The following IL1R1 variants were observed in gnomAD, a reference collection of about 807,000 sequenced individuals.
IL1R1 encodes the protein interleukin 1 receptor type 1, also known as interleukin-1 receptor type 1.
Under a neutral mutation model 50.2 loss-of-function variants are expected in IL1R1, and 22 were observed. The observed-to-expected ratio is 0.44, with a 90% CI of 0.31 to 0.63. The LOEUF (loss-of-function observed/expected upper bound fraction) is 0.63, where lower values mean the gene tolerates loss of function less well. IL1R1 is among the 20% of genes least tolerant of loss of function. The pLI is 0.07. For missense variants in IL1R1, 509 were observed against 676.2 expected, an observed-to-expected ratio of 0.75 and a Z score of 2.74; for synonymous variants, 251 against 236.7, an observed-to-expected ratio of 1.06 and a Z score of -0.55.
At chr2:102,129,654 G>A (rs904347317) in intron 1 of IL1R1, among the ~76,000 whole-genome samples, 1 of 152,226 alleles carries the variant, frequency 6.6e-6, no homozygotes, top group African/African-American at 2.4e-5. Flanking sequence ...ATCGGGGTCA[G>A]GGGTGAAGCA....
upstream of IL1R1, among the ~76,000 whole-genome samples, chr2:102,102,206 A>G (rs1039401528): frequency 6.6e-6 from 1 of 152,196 alleles, no homozygotes; most frequent in African/African-American, 2.4e-5. Flanking sequence ...TGGAAAGGGT[A>G]CCAGGAAGTA....
At chr2:102,093,866 C>T (rs957251484) in intron 1 of IL1R1, among the ~76,000 whole-genome samples, 8 of 152,324 alleles carry the variant, frequency 5.3e-5, no homozygotes, top group African/African-American at 7.2e-5. Context: ...GGGCAGCAGG[C>T]TCCCGGCAGC....
At chr2:102,101,449 G>A, upstream of IL1R1, among the ~76,000 whole-genome samples, 1 of 152,132 alleles carries the variant, frequency 6.6e-6, no homozygotes, top group East Asian at 1.9e-4. Flanking sequence ...ATGTTGAGGG[G>A]GAGCCAAGGT....
chr2:102,071,979 G>A (rs143255892), intron 1 of IL1R1, among the ~76,000 whole-genome samples: 1,660 of 152,208 alleles, frequency 0.011, 31 homozygotes, highest in African/African-American at 0.037. Context: ...GTACTTGGCC[G>A]GGTGTGGTAG....
At chr2:102,123,944 G>A (rs1681542568) in intron 1 of IL1R1, among the ~76,000 whole-genome samples, 1 of 152,114 alleles carries the variant, frequency 6.6e-6, no homozygotes, top group Non-Finnish European at 1.5e-5. Context: ...GAGGGAGAAG[G>A]AGAGAGGTGA....
intron 1 of IL1R1, among the ~76,000 whole-genome samples, chr2:102,073,238 C>T (rs1235275951): frequency 2.6e-5 from 4 of 152,118 alleles, no homozygotes; most frequent in Non-Finnish European, 2.9e-5. Context: ...CTGGGGACCA[C>T]GGATACAATA....
rs201040189 is a variant in IL1R1 at position 102,176,412 on chromosome 2, G to A, written c.1363G>A (p.Val455Ile). Reference protein sequence around the residue: ...KKSRRLIIILVRETSGFSWLG... With the variant: ...KKSRRLIIILIRETSGFSWLG... ...AAGCAGAAGACTGATTATCATTTTAGTCAGAGAAACATCAGGCTTCAGCTG... is the reference window on the plus strand; with the variant it reads ...AAGCAGAAGACTGATTATCATTTTAATCAGAGAAACATCAGGCTTCAGCTG... The change falls in exon 12 of 12, where the codon GTC becomes ATC. Residue 455 changes from valine to isoleucine, a missense_variant. Val to Ile is a conservative substitution (Grantham distance 29). Coordinates refer to ENST00000410023, the MANE Select transcript of IL1R1 (RefSeq NM_000877.4). The A allele has an allele frequency of 5.6e-6, 9 of 1,614,142 alleles. No homozygotes were observed. Among genetic ancestry groups the A allele is most frequent in the Non-Finnish European group, 7.6e-6 (9 of 1,179,972 alleles).
chr2:102,071,872 C>G (rs545127693), intron 1 of IL1R1, among the ~76,000 whole-genome samples: 1 of 152,320 alleles, frequency 6.6e-6, no homozygotes, highest in South Asian at 2.1e-4. Flanking sequence ...TGCCAAGGGC[C>G]ATCTTCCGAG....
intron 1 of IL1R1, among the ~76,000 whole-genome samples, chr2:102,124,559 G>A (rs959904148): frequency 1.3e-5 from 2 of 152,164 alleles, no homozygotes; most frequent in Non-Finnish European, 2.9e-5. Flanking sequence ...GGAAGCAAGT[G>A]CATCTGACAT....
intron 9 of IL1R1, among the ~76,000 whole-genome samples, chr2:102,174,260 G>A (rs1291298923): frequency 6.6e-6 from 1 of 152,160 alleles, no homozygotes; most frequent in Non-Finnish European, 1.5e-5. Context: ...TGACCTCAGG[G>A]AACTTTTGTA....
At chr2:102,080,011 G>T (rs1333297004) in intron 1 of IL1R1, among the ~76,000 whole-genome samples, 1 of 152,118 alleles carries the variant, frequency 6.6e-6, no homozygotes, top group Non-Finnish European at 1.5e-5. Flanking sequence ...AATAAAAGGT[G>T]ATGGGACATC....
chr2:102,072,927 C>G (rs992532909), intron 1 of IL1R1, among the ~76,000 whole-genome samples: 1 of 152,184 alleles, frequency 6.6e-6, no homozygotes, highest in Non-Finnish European at 1.5e-5. Context: ...CCCTTCCCGG[C>G]CAGTTCTGAG....
chr2:102,101,541 G>T (rs1053408400), upstream of IL1R1, among the ~76,000 whole-genome samples: 2 of 152,144 alleles, frequency 1.3e-5, no homozygotes, highest in African/African-American at 4.8e-5. Flanking sequence ...CACACATACT[G>T]TACGTGCTTC....
At chr2:102,157,186 T>C (rs1051568928) in intron 2 of IL1R1, among the ~76,000 whole-genome samples, 10 of 152,142 alleles carry the variant, frequency 6.6e-5, no homozygotes, top group African/African-American at 2.4e-4. Context: ...TTTCTTTTAG[T>C]TTTTTTGGGT....
At chr2:102,108,681 T>C (rs1680566504) in intron 1 of IL1R1, among the ~76,000 whole-genome samples, 1 of 152,074 alleles carries the variant, frequency 6.6e-6, no homozygotes, top group Admixed American at 6.6e-5. Flanking sequence ...CAACTGGTTA[T>C]TTATTTCGTT....
intron 9 of IL1R1, among the ~76,000 whole-genome samples, chr2:102,174,037 TC>T (rs2104636713): frequency 6.6e-6 from 1 of 152,320 alleles, no homozygotes; most frequent in African/African-American, 2.4e-5. Context: ...TTTACATGGT[TC>T]CTGATATTTA....
At chr2:102,169,635 C>G (rs1043573827) in intron 7 of IL1R1, among the ~76,000 whole-genome samples, 1 of 152,208 alleles carries the variant, frequency 6.6e-6, no homozygotes, top group African/African-American at 2.4e-5. Context: ...AAGAACCATA[C>G]AGAGGTTAGA....
upstream of IL1R1, among the ~76,000 whole-genome samples, chr2:102,103,304 G>T (rs184194047): frequency 6.6e-6 from 1 of 152,086 alleles, no homozygotes; most frequent in East Asian, 1.9e-4. Context: ...CTTGAGTGGG[G>T]TCTGCTTGAG....
intron 1 of IL1R1, among the ~76,000 whole-genome samples, chr2:102,090,676 G>A (rs887877441): frequency 1.3e-5 from 2 of 152,188 alleles, no homozygotes; most frequent in African/African-American, 4.8e-5. Context: ...TCAATCCATT[G>A]TTGGTATTTT....
Sources: gnomAD v4.1 joint callset for allele counts (sites outside exome capture counted in the v4.1 genomes callset) on GRCh38, gnomAD v4.1.1 for gene constraint, MANE v1.5 for transcripts, NCBI Gene and HGNC (gene_info 2026-07-23, HGNC 2026-07-21) for gene names.